The following GCAT variants were observed in gnomAD, a reference collection of about 807,000 sequenced individuals.
The protein encoded by GCAT is glycine C-acetyltransferase, also known as 2-amino-3-ketobutyrate coenzyme A ligase, mitochondrial.
GCAT carries 26 observed loss-of-function variants against 39.7 expected under a neutral mutation model. The ratio of observed to expected loss-of-function variants is 0.65; its 90% confidence interval spans 0.48 to 0.91. The LOEUF (loss-of-function observed/expected upper bound fraction) is 0.91. Ranked by LOEUF, GCAT falls within the 40% of genes least tolerant of loss-of-function variation. The pLI is 0.00. For synonymous variants in GCAT, 218 were observed against 237.2 expected (o/e 0.92, Z 0.74); for missense variants, 550 against 576.2 (o/e 0.95, Z 0.47).
At chr22:37,812,674 G>C (rs1237528261) in intron 2 of GCAT, among the ~76,000 whole-genome samples, 2 of 152,166 alleles carry the variant, frequency 1.3e-5, no homozygotes, top group Non-Finnish European at 2.9e-5. Flanking sequence ...AGTCTGCCCA[G>C]GGAGGGAACC....
chr22:37,814,592 C>T (rs1441943288), intron 4 of GCAT, among the ~76,000 whole-genome samples: 1 of 152,170 alleles, frequency 6.6e-6, no homozygotes, highest in East Asian at 1.9e-4. Context: ...CAGGGTCTCA[C>T]TATAATGCTC....
chr22:37,809,911 G>A, intron 1 of GCAT, 116 bp from the exon 2 acceptor site: 1 of 1,363,148 alleles, frequency 7.3e-7, no homozygotes, highest in Non-Finnish European at 1.0e-6. Context: ...CCTCAATGGT[G>A]ACTCCAGGTC....
chr22:37,809,869 C>T (rs1435207737), intron 1 of GCAT, 158 bp from the exon 2 acceptor site: 23 of 888,846 alleles, frequency 2.6e-5, no homozygotes, highest in Admixed American at 2.5e-4. Flanking sequence ...GTAGCACTGA[C>T]GCTCCTTCTG....
Position 37,816,641 on chromosome 22 carries a change from G to C in GCAT, c.1183G>C (p.Val395Leu), listed in dbSNP as rs1390646508. The C allele has an allele frequency of 1.9e-6, 3 of 1,614,182 alleles. No homozygotes were observed. In the South Asian group the frequency reaches 3.3e-5, roughly 18 times the overall value. Reference protein sequence around the residue: ...KARIRVQISAVHSEEDIDRCV... With the variant: ...KARIRVQISALHSEEDIDRCV... The stretch of plus-strand genomic sequence containing the variant: ...CCGGATCCGGGTACAGATCTCAGCA[G>C]TGCATAGCGAGGAAGACATTGACCG... The change falls in exon 9 of 9, where the codon GTG becomes CTG. Residue 395 changes from valine (V) to leucine (L), a missense_variant. Physicochemically the swap from Val to Leu is conservative, Grantham distance 32. Transcript: ENST00000248924.
At chr22:37,811,657 G>A (rs892041239) in intron 2 of GCAT, among the ~76,000 whole-genome samples, 5 of 151,584 alleles carry the variant, frequency 3.3e-5, no homozygotes, top group African/African-American at 9.7e-5. Flanking sequence ...TATTGGCCAG[G>A]CGTGGTGGCT....
intron 1 of GCAT, 125 bp downstream of exon 1, chr22:37,808,288 G>A: frequency 1.4e-6 from 1 of 713,828 alleles, no homozygotes; most frequent in East Asian, 3.4e-5. Context: ...ATCTCTCAGG[G>A]CGACTTTATG....
chr22:37,808,583 G>C (rs1921229240), intron 1 of GCAT, among the ~76,000 whole-genome samples: 1 of 152,216 alleles, frequency 6.6e-6, no homozygotes, highest in Non-Finnish European at 1.5e-5. Context: ...TGGCCAGAGA[G>C]GACAGCTTGC....
In GCAT at chr22:37,808,202, C is replaced by T. The variant is rs181088604; in HGVS notation, c.196+39C>T. The T allele has an allele frequency of 5.0e-6, 7 of 1,406,450 alleles. 1 individual carries two copies. The Admixed American group carries it at 1.2e-4, about 24-fold the overall frequency. 87.1% of individuals were successfully genotyped at this position (1,406,450 alleles called of 1,614,324 possible). On this transcript the variant is annotated intron_variant, in intron 1 of 8. Coordinates refer to ENST00000248924, the MANE Select transcript of GCAT (RefSeq NM_014291.4). ...CCGGGAGTCGTTCCAAGACCTTTCC[C>T]GAGCTTGCGCTGGAATGGAGGTCCT...
At chr22:37,809,423 C>T (rs1172552859) in intron 1 of GCAT, among the ~76,000 whole-genome samples, 1 of 152,150 alleles carries the variant, frequency 6.6e-6, no homozygotes, top group Non-Finnish European at 1.5e-5. Flanking sequence ...CTTTAACCCT[C>T]AAGGAAACCA....
chr22:37,809,937 C>T (rs773345794), intron 1 of GCAT, 90 bp from the exon 2 acceptor site: 35 of 1,551,470 alleles, frequency 2.3e-5, no homozygotes, highest in Non-Finnish European at 3.0e-5. Context: ...CCTTTCTGGA[C>T]CATTTCCCCA....
chr22:37,812,419 G>T (rs191834332), intron 2 of GCAT, among the ~76,000 whole-genome samples: 1 of 152,280 alleles, frequency 6.6e-6, no homozygotes. Context: ...AGGTGAGAGT[G>T]AAATGAATGT....
Position 37,816,746 on chromosome 22 carries a change from G to T in GCAT, c.*28G>T, listed in dbSNP as rs1230324572. ...TCTGGGTAAGGACGAGAAGAGCCAA[G>T]GTCCGCCTACTGCCACAGGGTCAAA... is the stretch of plus-strand genomic sequence containing the variant. On this transcript the variant is annotated 3_prime_UTR_variant, in exon 9 of 9. Coordinates refer to ENST00000248924, the MANE Select transcript of GCAT (RefSeq NM_014291.4). 1 of 1,612,252 alleles carries T rather than the reference G, an allele frequency of 6.2e-7. No homozygotes were observed. The highest frequency in any genetic ancestry group is 1.7e-5 in the Admixed American group (1 of 60,010).
At chr22:37,813,815 G>T (rs1921874920) in intron 4 of GCAT, among the ~76,000 whole-genome samples, 1 of 151,970 alleles carries the variant, frequency 6.6e-6, no homozygotes, top group African/African-American at 2.4e-5. Flanking sequence ...GCCAAGGCTG[G>T]AGTATAGTGG....
In GCAT at chr22:37,815,118, T is replaced by G; in HGVS notation, c.577-8T>G. 1 of 1,613,422 alleles carries G rather than the reference T, an allele frequency of 6.2e-7. No homozygotes were observed. The highest frequency in any genetic ancestry group is 8.5e-7 in the Non-Finnish European group (1 of 1,179,830). On this transcript the variant is annotated splice_polypyrimidine_tract_variant and splice_region_variant and intron_variant, in intron 4 of 8. Coordinates refer to ENST00000248924, the MANE Select transcript of GCAT (RefSeq NM_014291.4). ...ACCACCCACCATCTGCTCATGTCTT[T>G]CCTGCAGAAGCATCGGCTGCGCCTG...
intron 6 of GCAT, 22 bp downstream of exon 6, chr22:37,815,522 T>C (rs368112777): frequency 2.0e-4 from 316 of 1,587,724 alleles, no homozygotes; most frequent in Middle Eastern, 4.5e-4. Flanking sequence ...GTTGTGTCCC[T>C]GGGGTCCCCT....
chr22:37,816,878 A>G lies in GCAT; in HGVS notation c.*160A>G, dbSNP rs1393841381. 7 of 673,542 alleles carry G rather than the reference A, an allele frequency of 1.0e-5. No individual in the cohort carries two copies. The highest frequency in any genetic ancestry group is 1.7e-5 in the Non-Finnish European group (7 of 400,614). The allele number at this position is 673,542 out of a possible 1,614,324, so 41.7% of individuals were successfully genotyped here. The stretch of plus-strand genomic sequence containing the variant: ...GAGGGCTGTGAGAATGTGAAACAAC[A>G]GTGTGAAAATTGGCTGTGACACTCT... On this transcript the variant is annotated 3_prime_UTR_variant, in exon 9 of 9. Coordinates refer to ENST00000248924, the MANE Select transcript of GCAT (RefSeq NM_014291.4).
At chr22:37,812,177 AAT>A (rs1601696980) in intron 2 of GCAT, among the ~76,000 whole-genome samples, 2 of 151,508 alleles carry the variant, frequency 1.3e-5, no homozygotes, top group East Asian at 3.9e-4. Context: ...AAAAAAAAAA[AAT>A]GTTTTTAATT....
Position 37,815,713 on chromosome 22 carries a change from G to A in GCAT, c.865G>A (p.Ala289Thr), listed in dbSNP as rs374598324. Residue 289 changes from alanine to threonine, a missense_variant, in exon 7 of 9, where the codon GCC (alanine) becomes ACC (threonine). By Grantham distance (58) the Ala-to-Thr change is moderately conservative (BLOSUM62 0). Around this residue, in one of 3 missense-constraint regions of GCAT, gnomAD observed 378 missense variants for 390.4 expected, o/e 0.97. Transcript: ENST00000248924. The stretch of plus-strand genomic sequence containing the variant: ...CCTGGTGTCCCTGCTGCGGCAGCGC[G>A]CCCGGCCATACCTCTTCTCCAACAG... ...GPLVSLLRQR[A>T]RPYLFSNSLP... 1.1e-5 allele frequency: 18 copies of A among 1,613,484 alleles called. No homozygotes were observed. Among genetic ancestry groups the A allele is most frequent in the Admixed American group, 5.0e-5 (3 of 60,016 alleles).
At chr22:37,812,315 C>T (rs1364419507) in intron 2 of GCAT, among the ~76,000 whole-genome samples, 1 of 152,100 alleles carries the variant, frequency 6.6e-6, no homozygotes, top group African/African-American at 2.4e-5. Context: ...GCACTCCAGC[C>T]TGAGTGACAG....
Sources: gnomAD v4.1 joint callset for allele counts (sites outside exome capture counted in the v4.1 genomes callset) on GRCh38, gnomAD v4.1.1 for gene constraint, gnomAD v4.1.1 regional missense constraint, MANE v1.5 for transcripts, NCBI Gene and HGNC (gene_info 2026-07-23, HGNC 2026-07-21) for gene names.